Variants in TMTC1 observed in about 807,000 individuals in gnomAD.
TMTC1 encodes protein O-mannosyl-transferase TMTC1.
A neutral mutation model predicts 104.8 loss-of-function variants in TMTC1; 73 were observed. The observed-to-expected ratio is 0.70, with a 90% CI of 0.58 to 0.85. TMTC1 has a LOEUF of 0.85. TMTC1 is among the 40% of genes least tolerant of loss of function. The pLI is 0.00. For synonymous variants in TMTC1, 434 were observed against 428.7 expected, an observed-to-expected ratio of 1.01 and a Z score of -0.15; for missense variants, 1,035 against 1,096.1, an observed-to-expected ratio of 0.94 and a Z score of 0.79.
chr12:29,604,913 T>C (rs73266101), intron 6 of TMTC1, among the ~76,000 whole-genome samples: 2,302 of 152,308 alleles, frequency 0.015, 37 homozygotes, highest in African/African-American at 0.04. Context: ...AAAATCGTTA[T>C]AATAATTCAT....
chr12:29,600,008 A>ATATATATATATATTTT (rs59108744), intron 7 of TMTC1, among the ~76,000 whole-genome samples: 8 of 118,674 alleles, frequency 6.7e-5, no homozygotes, highest in African/African-American at 2.7e-4. Context: ...ATATATATAT[A>ATATATATATATATTTT]TTTTTTTTTT....
intron 7 of TMTC1, among the ~76,000 whole-genome samples, chr12:29,593,718 A>T (rs1381106983): frequency 6.6e-6 from 1 of 152,250 alleles, no homozygotes; most frequent in African/African-American, 2.4e-5. Context: ...GTGAAAATGA[A>T]GACAATGTAA....
chr12:29,591,357 T>C (rs1432228886), intron 7 of TMTC1, among the ~76,000 whole-genome samples: 4 of 152,046 alleles, frequency 2.6e-5, no homozygotes, highest in Non-Finnish European at 5.9e-5. Context: ...TTCCTGGCCT[T>C]TGGGGAGATG....
intron 7 of TMTC1, among the ~76,000 whole-genome samples, chr12:29,600,119 TAAA>T (rs576864128): frequency 7.1e-6 from 1 of 139,912 alleles, no homozygotes; most frequent in African/African-American, 2.6e-5. Flanking sequence ...ATTCCTGGGT[TAAA>T]AAAAAAAAAC....
At chr12:29,637,195 T>C (rs767353826) in intron 5 of TMTC1, among the ~76,000 whole-genome samples, 5 of 151,928 alleles carry the variant, frequency 3.3e-5, no homozygotes, top group Admixed American at 2.6e-4. Context: ...ACACTGGAGA[T>C]AGGGGGTGGA....
At position 29,522,584 on chromosome 12, in the gene TMTC1, G is replaced by GTGTA. The variant is rs1555164126; in HGVS notation, c.1786-1868_1786-1865dup. Among the ~76,000 whole-genome samples the GTGTA allele has an allele frequency of 9.2e-4, 139 of 151,036 alleles. 5 individuals carry two copies. The highest frequency in any genetic ancestry group is 5.3e-3 in the East Asian group (27 of 5,132). ...TGTGTGTGTGTGTGTGTGTGTGTGT[G>GTGTA]TGTAATGAAGACAGGCAGAACAGAA... On this transcript the variant is annotated intron_variant, in intron 11 of 17. Transcript: ENST00000539277.
At chr12:29,606,093 T>C (rs1022396797) in intron 6 of TMTC1, among the ~76,000 whole-genome samples, 12 of 152,222 alleles carry the variant, frequency 7.9e-5, no homozygotes, top group African/African-American at 2.7e-4. Context: ...GTACTACAAT[T>C]TCCTTATCCA....
In TMTC1 at chr12:29,684,040, C is replaced by T. The variant is rs552343238; in HGVS notation, c.939-50704G>A. On this transcript the variant is annotated intron_variant, in intron 5 of 17. Coordinates refer to ENST00000539277, the MANE Select transcript of TMTC1 (RefSeq NM_001193451.2). The stretch of plus-strand genomic sequence containing the variant: ...TTATATTTTCATAGAGACAGGGTTT[C>T]GCCATTTTGGCCAGGCTGGCCTCAA... Among the ~76,000 whole-genome samples the T allele has an allele frequency of 9.9e-5, 15 of 152,166 alleles. No individual in the cohort carries two copies. The East Asian group carries it at 2.7e-3, about 28-fold the overall frequency.
At chr12:29,543,231 C>T (rs573277626) in intron 10 of TMTC1, among the ~76,000 whole-genome samples, 1 of 152,164 alleles carries the variant, frequency 6.6e-6, no homozygotes, top group Non-Finnish European at 1.5e-5. Flanking sequence ...ACATTTGCAT[C>T]GTGTCACTTT....
intron 5 of TMTC1, among the ~76,000 whole-genome samples, chr12:29,706,402 T>C (rs1941744917): frequency 6.6e-6 from 1 of 152,184 alleles, no homozygotes; most frequent in Non-Finnish European, 1.5e-5. Flanking sequence ...GGCATTGCAT[T>C]TTCCTTCTGC....
intron 8 of TMTC1, among the ~76,000 whole-genome samples, chr12:29,576,678 T>C (rs538961616): frequency 3.9e-5 from 6 of 152,208 alleles, no homozygotes; most frequent in African/African-American, 7.2e-5. Context: ...TTTGCAGTTA[T>C]GTAGATGACT....
intron 17 of TMTC1, among the ~76,000 whole-genome samples, chr12:29,507,433 T>A (rs975048725): frequency 6.6e-6 from 1 of 152,236 alleles, no homozygotes; most frequent in Non-Finnish European, 1.5e-5. Context: ...ATGTATCCAC[T>A]CTCTCTGTTT....
At chr12:29,563,690 C>A (rs1376515102) in intron 9 of TMTC1, among the ~76,000 whole-genome samples, 1 of 152,062 alleles carries the variant, frequency 6.6e-6, no homozygotes, top group Non-Finnish European at 1.5e-5. Flanking sequence ...CTCTAAGAGC[C>A]CTGTGATCGA....
intron 1 of TMTC1, among the ~76,000 whole-genome samples, chr12:29,770,733 T>A (rs191014645): frequency 3.0e-4 from 46 of 152,262 alleles, no homozygotes; most frequent in Admixed American, 1.4e-3. Context: ...GGAATATTTT[T>A]AAAATATCTA....
intron 17 of TMTC1, among the ~76,000 whole-genome samples, chr12:29,510,144 T>C (rs1264897683): frequency 1.3e-5 from 2 of 152,198 alleles, no homozygotes; most frequent in Admixed American, 1.3e-4. Context: ...GATGAAATAG[T>C]TTACTACTAC....
At chr12:29,613,687 G>T (rs932806318) in intron 6 of TMTC1, among the ~76,000 whole-genome samples, 2 of 152,248 alleles carry the variant, frequency 1.3e-5, no homozygotes, top group African/African-American at 4.8e-5. Flanking sequence ...GAAGAAAAAA[G>T]GAAAAGGATA....
intron 5 of TMTC1, among the ~76,000 whole-genome samples, chr12:29,640,158 C>A (rs371542027): frequency 6.6e-6 from 1 of 152,188 alleles, no homozygotes; most frequent in Non-Finnish European, 1.5e-5. Context: ...GAGAGCCAAG[C>A]AACTCCGACA....
At chr12:29,744,898 T>C (rs1333792150) in intron 5 of TMTC1, among the ~76,000 whole-genome samples, 1 of 152,158 alleles carries the variant, frequency 6.6e-6, no homozygotes, top group East Asian at 1.9e-4. Context: ...TGACAAAGTT[T>C]ATTTTTGAAA....
chr12:29,749,243 C>G (rs976456682), intron 5 of TMTC1, among the ~76,000 whole-genome samples: 1 of 151,932 alleles, frequency 6.6e-6, no homozygotes, highest in African/African-American at 2.4e-5. Context: ...CACACACACA[C>G]ACACGTCTGA....
Sources: allele counts gnomAD v4.1 joint callset (sites outside exome capture counted in the v4.1 genomes callset), GRCh38; gene constraint gnomAD v4.1.1; transcripts MANE v1.5; gene names NCBI Gene and HGNC (gene_info 2026-07-23, HGNC 2026-07-21).